The following LRRC4C variants were observed in gnomAD, a reference collection of about 807,000 sequenced individuals.
The protein encoded by LRRC4C is leucine rich repeat containing 4C, also known as leucine-rich repeat-containing protein 4C.
A neutral mutation model predicts 33.6 loss-of-function variants in LRRC4C; 5 were observed. The observed-to-expected ratio is 0.15, with a 90% CI of 0.08 to 0.31. LRRC4C has a LOEUF of 0.31. Among genes scored for constraint, LRRC4C ranks in the 10% least tolerant of loss-of-function variants. The pLI is 1.00. For synonymous variants in LRRC4C, 329 were observed against 302.0 expected (o/e 1.09, Z -0.93); for missense variants, 560 against 796.7 (o/e 0.70, Z 3.58).
chr11:40,458,127 G>T (rs189231215), intron 3 of LRRC4C, among the ~76,000 whole-genome samples: 1 of 152,246 alleles, frequency 6.6e-6, no homozygotes, highest in East Asian at 1.9e-4. Context: ...TCACTGGAAT[G>T]GACAAGATAA....
chr11:41,338,850 C>A (rs1049267960), intron 1 of LRRC4C, among the ~76,000 whole-genome samples: 8 of 151,904 alleles, frequency 5.3e-5, no homozygotes, highest in Non-Finnish European at 1.2e-4. Context: ...AATCTAATGA[C>A]CTCCGGCACA....
chr11:40,195,016 G>A (rs1163092597), intron 5 of LRRC4C, among the ~76,000 whole-genome samples: 4 of 151,864 alleles, frequency 2.6e-5, no homozygotes, highest in East Asian at 3.9e-4. Context: ...GCGTGAACCC[G>A]GGAGGCAGAG....
intron 3 of LRRC4C, among the ~76,000 whole-genome samples, chr11:40,424,143 A>G (rs998621978): frequency 1.3e-5 from 2 of 152,198 alleles, no homozygotes. Flanking sequence ...AGCTTTGTGT[A>G]GATCCATAAT....
intron 5 of LRRC4C, among the ~76,000 whole-genome samples, chr11:40,213,855 T>C (rs576396347): frequency 2.0e-5 from 3 of 152,280 alleles, no homozygotes; most frequent in Admixed American, 1.3e-4. Flanking sequence ...TTTTCTATCA[T>C]ATATGTTACA....
chr11:41,420,142 C>G (rs17444309), intron 1 of LRRC4C, among the ~76,000 whole-genome samples: 11,320 of 151,840 alleles, frequency 0.075, 573 homozygotes, highest in Non-Finnish European at 0.11. Context: ...ATAATAGAAC[C>G]TTGAAATCAT....
At chr11:40,835,907 G>A (rs530676250) in intron 2 of LRRC4C, among the ~76,000 whole-genome samples, 3 of 152,104 alleles carry the variant, frequency 2.0e-5, no homozygotes, top group Non-Finnish European at 4.4e-5. Flanking sequence ...ATTGTATCTT[G>A]TTAGTTTTGG....
At chr11:40,409,519 T>TA (rs993731958) in intron 3 of LRRC4C, among the ~76,000 whole-genome samples, 1 of 151,656 alleles carries the variant, frequency 6.6e-6, no homozygotes, top group Admixed American at 6.6e-5. Context: ...CCAAAGAATA[T>TA]AAAAAAACTA....
At chr11:41,014,911 G>A (rs2137583432) in intron 1 of LRRC4C, among the ~76,000 whole-genome samples, 1 of 152,170 alleles carries the variant, frequency 6.6e-6, no homozygotes. Flanking sequence ...CTAGCACAAG[G>A]GCAGGGCCAA....
chr11:40,913,653 C>T (rs992570392), intron 2 of LRRC4C, among the ~76,000 whole-genome samples: 28 of 152,022 alleles, frequency 1.8e-4, no homozygotes, highest in African/African-American at 3.6e-4. Context: ...GAAGCAAGAG[C>T]GAACACATTC....
chr11:40,809,145 C>T (rs913146156), intron 2 of LRRC4C, among the ~76,000 whole-genome samples: 3 of 152,276 alleles, frequency 2.0e-5, no homozygotes, highest in South Asian at 4.1e-4. Flanking sequence ...CTCTGCTTCC[C>T]TTTACAGTAA....
At chr11:40,157,225 G>C (rs1174598046) in intron 5 of LRRC4C, among the ~76,000 whole-genome samples, 1 of 152,084 alleles carries the variant, frequency 6.6e-6, no homozygotes, top group Non-Finnish European at 1.5e-5. Flanking sequence ...GAATGAAACT[G>C]GATCCTCATC....
intron 3 of LRRC4C, among the ~76,000 whole-genome samples, chr11:40,486,087 C>T (rs986268096): frequency 6.6e-6 from 1 of 151,254 alleles, no homozygotes; most frequent in African/African-American, 2.4e-5. Flanking sequence ...ATACAATAAA[C>T]CCCCATGACA....
rs534768752 is a variant in LRRC4C at position 40,780,662 on chromosome 11, A to G, written c.-406-132384T>C. 1.2e-4 allele frequency among the ~76,000 whole-genome samples: 18 copies of G among 152,310 alleles called. No individual in the cohort carries two copies. In the South Asian group the frequency reaches 2.9e-3, roughly 25 times the overall value. On this transcript the variant is annotated intron_variant, in intron 2 of 6. Transcript: ENST00000528697. ...CAAAGCCCTGTTCCTAAACATCATT[A>G]TAACAAATGGCATTTAGAAAGTATC...
At chr11:40,205,455 T>G (rs1017266228) in intron 5 of LRRC4C, among the ~76,000 whole-genome samples, 1 of 152,188 alleles carries the variant, frequency 6.6e-6, no homozygotes, top group Non-Finnish European at 1.5e-5. Context: ...TATATTCAAT[T>G]ACGGGGGTGA....
chr11:40,885,352 T>C (rs960689061), intron 2 of LRRC4C, among the ~76,000 whole-genome samples: 1 of 152,088 alleles, frequency 6.6e-6, no homozygotes, highest in Non-Finnish European at 1.5e-5. Context: ...AGATCTAAGT[T>C]GCAAGATGTG....
chr11:40,897,180 G>A lies in LRRC4C; in HGVS notation c.-407+36455C>T, dbSNP rs77170250. ...TATTTTCATGAGGAATACTTGAAAT[G>A]CATTTAGATGATGAGAAAGAATACT... On this transcript the variant is annotated intron_variant, in intron 2 of 6. Coordinates refer to ENST00000528697, the MANE Select transcript of LRRC4C (RefSeq NM_001258419.2). Among the ~76,000 whole-genome samples, 68 of 152,282 alleles carry A rather than the reference G, an allele frequency of 4.5e-4. 1 individual carries two copies. Among genetic ancestry groups the A allele is most frequent in the Middle Eastern group, 3.4e-3 (1 of 292 alleles).
At chr11:41,156,421 T>C (rs1565434289) in intron 1 of LRRC4C, among the ~76,000 whole-genome samples, 1 of 152,158 alleles carries the variant, frequency 6.6e-6, no homozygotes, top group Non-Finnish European at 1.5e-5. Flanking sequence ...AATTAGTATC[T>C]TTGTCACATT....
rs148008272 is a variant in LRRC4C, at chr11:40,289,149, G to A, written c.-176+30479C>T. Among the ~76,000 whole-genome samples the A allele has an allele frequency of 2.6e-5, 4 of 152,228 alleles. No homozygotes were observed. In the East Asian group the frequency reaches 5.8e-4, roughly 22 times the overall value. ...ATGAGGATCCTGGCAACCACTGTAA[G>A]GTCAGTTGCACACTCCCTATTTTAC... On this transcript the variant is annotated intron_variant, in intron 4 of 6. Transcript: ENST00000528697.
chr11:41,042,758 A>C (rs973531190), intron 1 of LRRC4C, among the ~76,000 whole-genome samples: 1 of 152,156 alleles, frequency 6.6e-6, no homozygotes, highest in Non-Finnish European at 1.5e-5. Context: ...AGTCACAGGG[A>C]TACCTTCTTT....
Sources: allele counts gnomAD v4.1 joint callset (sites outside exome capture counted in the v4.1 genomes callset), GRCh38; gene constraint gnomAD v4.1.1; transcripts MANE v1.5; gene names NCBI Gene and HGNC (gene_info 2026-07-23, HGNC 2026-07-21).